Variants in PCDH19 observed in about 807,000 individuals in gnomAD.
The protein encoded by PCDH19 is protocadherin 19, also known as protocadherin-19.
PCDH19 carries 6 observed loss-of-function variants against 46.2 expected under a neutral mutation model. The observed-to-expected ratio is 0.13, with a 90% CI of 0.07 to 0.26. PCDH19 has a LOEUF of 0.26. Among genes scored for constraint, PCDH19 ranks in the 10% least tolerant of loss-of-function variants. PCDH19 has a pLI of 1.00. For missense variants in PCDH19, 740 were observed against 972.3 expected (o/e 0.76, Z 3.18); for synonymous variants, 481 against 415.7 (o/e 1.16, Z -1.91).
intron 5 of PCDH19, among the ~76,000 whole-genome samples, chrX:100,323,326 T>G (rs901875528): frequency 1.8e-5 from 2 of 111,523 alleles, no homozygotes; most frequent in African/African-American, 6.5e-5. Context: ...GCTGTTTCCC[T>G]AAGCAACATC....
rs144970083 is a variant in PCDH19, at chrX:100,350,056, T to C, written c.2675+590A>G. On this transcript the variant is annotated intron_variant, in intron 4 of 5. Coordinates refer to ENST00000373034, the MANE Select transcript of PCDH19 (RefSeq NM_001184880.2). ...TTAAGAAGAATCAGGCAAATTTCTT[T>C]TTCTCTCTCATCTAGAAAGGAAAGG... Among the ~76,000 whole-genome samples, 236 of 112,652 alleles carry C rather than the reference T, an allele frequency of 2.1e-3. 4 individuals carry two copies. In the East Asian group the frequency reaches 0.051, roughly 24 times the overall value.
Position 100,296,874 on chromosome X carries a change from A to C in PCDH19, c.2850T>G (p.Asp950Glu). 8.4e-7 allele frequency: 1 copy of C among 1,190,994 alleles called. No individual in the cohort carries two copies. Among genetic ancestry groups the C allele is most frequent in the Non-Finnish European group, 1.1e-6 (1 of 877,068 alleles). ...CCCGGCAATGAAATCCTTCATTCTG[A>C]TCTGTTTGGAAAAAAGAAAATATCA... ...TSMGSQMPDH[D>E]QNEGFHCREE... The change falls in exon 6 of 6, where the codon GAT becomes GAG. Residue 950 changes from aspartate (D) to glutamate (E), a missense_variant and splice_region_variant. By Grantham distance (45) the Asp-to-Glu change is conservative (BLOSUM62 2). Transcript: ENST00000373034.
chrX:100,357,392 T>C (rs1369779112), intron 3 of PCDH19, among the ~76,000 whole-genome samples: 2 of 112,209 alleles, frequency 1.8e-5, no homozygotes, highest in East Asian at 2.8e-4. Context: ...AAATAGGTTA[T>C]ACAATTCATA....
At chrX:100,328,044 G>C (rs1205934102) in intron 5 of PCDH19, among the ~76,000 whole-genome samples, 1 of 111,600 alleles carries the variant, frequency 9.0e-6, no homozygotes, top group Admixed American at 9.5e-5. Context: ...ATTAATATTG[G>C]GCTTCTCGAA....
At chrX:100,304,313 G>T (rs1924874074) in intron 5 of PCDH19, among the ~76,000 whole-genome samples, 1 of 111,317 alleles carries the variant, frequency 9.0e-6, no homozygotes, top group African/African-American at 3.3e-5. Flanking sequence ...ACACCCAGAA[G>T]AGAAATAACA....
At chrX:100,366,515 G>A (rs755264189) in intron 3 of PCDH19, among the ~76,000 whole-genome samples, 11 of 112,030 alleles carry the variant, frequency 9.8e-5, no homozygotes, top group African/African-American at 3.2e-4. Context: ...TTGCTTTCCC[G>A]TGTTGGAGTC....
chrX:100,340,607 C>A (rs1926226344), intron 5 of PCDH19, among the ~76,000 whole-genome samples: 2 of 111,502 alleles, frequency 1.8e-5, no homozygotes, highest in Admixed American at 1.9e-4. Flanking sequence ...ATTATCTCTG[C>A]AGATGTCACC....
chrX:100,401,650 CAA>C (rs202013991), intron 3 of PCDH19, among the ~76,000 whole-genome samples: 10 of 63,936 alleles, frequency 1.6e-4, no homozygotes, highest in African/African-American at 1.1e-4. Flanking sequence ...AACTCCATCT[CAA>C]AAAAAAAAAA....
chrX:100,399,915 T>C (rs1266061694), intron 3 of PCDH19, among the ~76,000 whole-genome samples: 3 of 112,051 alleles, frequency 2.7e-5, no homozygotes, highest in African/African-American at 9.7e-5. Context: ...CAATATTTTG[T>C]TTCATTCAGC....
At chrX:100,317,040 T>A (rs189689240) in intron 5 of PCDH19, among the ~76,000 whole-genome samples, 1 of 112,045 alleles carries the variant, frequency 8.9e-6, no homozygotes, top group African/African-American at 3.2e-5. Context: ...TAGATTTTCC[T>A]AGCCCTTGCC....
rs72048003 is a variant in PCDH19 at position 100,397,995 on chromosome X, TACAC to T, written c.2616+4525_2616+4528del. Among the ~76,000 whole-genome samples, 4 of 107,077 alleles carry T rather than the reference TACAC, an allele frequency of 3.7e-5. No homozygotes were observed. In the South Asian group the frequency reaches 1.3e-3, roughly 34 times the overall value. The allele number at this position is 107,077 out of a possible 115,157, so 93.0% of individuals were successfully genotyped here. ...CTCTTCACTCTTTTCTACGCCCTCATACACACACACACACACATACACACACACA... is the reference window on the plus strand; with the variant it reads ...CTCTTCACTCTTTTCTACGCCCTCATACACACACACACATACACACACACA... On this transcript the variant is annotated intron_variant, in intron 3 of 5. Transcript: ENST00000373034.
intron 4 of PCDH19, among the ~76,000 whole-genome samples, chrX:100,347,962 A>G (rs1424488600): frequency 1.6e-4 from 17 of 104,969 alleles, no homozygotes; most frequent in African/African-American, 5.9e-4. Context: ...GCTACTCAGG[A>G]GGCTAAGGCA....
At chrX:100,350,749 T>G (rs1174629241) in intron 3 of PCDH19, 45 bp from the exon 4 acceptor site, 1 of 869,436 alleles carries the variant, frequency 1.2e-6, no homozygotes, top group Non-Finnish European at 1.7e-6. Flanking sequence ...AGATGATTCA[T>G]AAGTAGATTT....
At chrX:100,330,562 A>T (rs1330563134) in intron 5 of PCDH19, among the ~76,000 whole-genome samples, 1 of 112,431 alleles carries the variant, frequency 8.9e-6, no homozygotes, top group African/African-American at 3.2e-5. Context: ...CTTAAAAAGA[A>T]AGCAACATTA....
At chrX:100,322,219 T>G (rs1194418763) in intron 5 of PCDH19, among the ~76,000 whole-genome samples, 1 of 111,716 alleles carries the variant, frequency 9.0e-6, no homozygotes, top group Admixed American at 9.5e-5. Context: ...TTTAAGACCT[T>G]GATCTATTTT....
At chrX:100,395,649 C>T in intron 3 of PCDH19, among the ~76,000 whole-genome samples, 1 of 113,091 alleles carries the variant, frequency 8.8e-6, no homozygotes, top group Middle Eastern at 4.6e-3. Context: ...TGGTCCTAAC[C>T]AATATGCCTA....
chrX:100,384,007 A>G (rs1261342282), intron 3 of PCDH19, among the ~76,000 whole-genome samples: 1 of 111,971 alleles, frequency 8.9e-6, no homozygotes, highest in Non-Finnish European at 1.9e-5. Flanking sequence ...AAACTCAACC[A>G]ATTAACCATC....
Position 100,406,441 on chromosome X carries a change from T to C in PCDH19, c.2147+10A>G, listed in dbSNP as rs1329892908. The C allele has an allele frequency of 1.7e-6, 2 of 1,171,723 alleles. No homozygotes were observed. Among genetic ancestry groups the C allele is most frequent in the Admixed American group, 2.3e-5 (1 of 43,844 alleles). The stretch of plus-strand genomic sequence containing the variant: ...TTCATCCAAGACAAAGAAAGAAAAC[T>C]TGGCTTTACCTGCAGTTGTAGGTCC... On this transcript the variant is annotated intron_variant, in intron 1 of 5. Coordinates refer to ENST00000373034, the MANE Select transcript of PCDH19 (RefSeq NM_001184880.2).
Position 100,354,944 on chromosome X carries a change from A to T in PCDH19, c.2617-4240T>A, listed in dbSNP as rs754642644. Among the ~76,000 whole-genome samples the T allele has an allele frequency of 4.6e-5, 5 of 108,463 alleles. No individual in the cohort carries two copies. In the East Asian group the frequency reaches 1.4e-3, roughly 31 times the overall value. The allele number at this position is 108,463 out of a possible 115,157, so 94.2% of individuals were successfully genotyped here. On this transcript the variant is annotated intron_variant, in intron 3 of 5. Coordinates refer to ENST00000373034, the MANE Select transcript of PCDH19 (RefSeq NM_001184880.2). ...TTTGGAAAAACCTAATTGTCACATT[A>T]AAAAAAAATGGGTCTAGAGCAAACT...
Sources: gnomAD v4.1 joint callset for allele counts (sites outside exome capture counted in the v4.1 genomes callset) on GRCh38, gnomAD v4.1.1 for gene constraint, MANE v1.5 for transcripts, NCBI Gene and HGNC (gene_info 2026-07-23, HGNC 2026-07-21) for gene names.